Variants in RASA1 observed in about 807,000 individuals in gnomAD.
RASA1 encodes the protein RAS p21 protein activator 1.
Under a neutral mutation model 132.2 loss-of-function variants are expected in RASA1, and 25 were observed. The observed-to-expected ratio is 0.19, with a 90% CI of 0.14 to 0.26. The LOEUF (loss-of-function observed/expected upper bound fraction) is 0.26, where lower values mean the gene tolerates loss of function less well. Among genes scored for constraint, RASA1 ranks in the 10% least tolerant of loss-of-function variants. The probability of loss-of-function intolerance (pLI) is 1.00; values close to 1 mark genes in which losing one functional copy is unlikely to be tolerated. For synonymous variants in RASA1, 477 were observed against 449.9 expected, an observed-to-expected ratio of 1.06 and a Z score of -0.76; for missense variants, 964 against 1,299.2, an observed-to-expected ratio of 0.74 and a Z score of 3.97.
chr5:87,383,487 A>T (rs915174114), intron 20 of RASA1, among the ~76,000 whole-genome samples: 15 of 152,122 alleles, frequency 9.9e-5, no homozygotes, highest in African/African-American at 3.6e-4. Flanking sequence ...AAATTGGGAA[A>T]AGTGAGTAAT....
At chr5:87,336,759 C>T (rs1371233913) in intron 4 of RASA1, among the ~76,000 whole-genome samples, 2 of 151,934 alleles carry the variant, frequency 1.3e-5, no homozygotes, top group Non-Finnish European at 2.9e-5. Context: ...CTTTAATGTG[C>T]TTATTTAGGT....
chr5:87,389,281 A>G, intron 23 of RASA1, 112 bp from the exon 24 acceptor site: 1 of 1,400,036 alleles, frequency 7.1e-7, no homozygotes, highest in South Asian at 1.2e-5. Context: ...CAGTGAGCCG[A>G]GATCATGCCA....
chr5:87,289,331 G>T (rs1754813582), intron 1 of RASA1, among the ~76,000 whole-genome samples: 1 of 152,124 alleles, frequency 6.6e-6, no homozygotes, highest in Non-Finnish European at 1.5e-5. Context: ...GGTTGCACCA[G>T]ATTTTGCTAT....
In RASA1 at chr5:87,278,228, G is replaced by A. The variant is rs150066621; in HGVS notation, c.539+9238G>A. Among the ~76,000 whole-genome samples, 515 of 151,980 alleles carry A rather than the reference G, an allele frequency of 3.4e-3. 5 individuals are homozygous for A. The highest frequency in any genetic ancestry group is 0.012 in the African/African-American group (496 of 41,448). ...TAAATCTTTTTATTTTGAGGTAATT[G>A]TAGATTCATATGCAGTTTTAAGAAA... On this transcript the variant is annotated intron_variant, in intron 1 of 24. Coordinates refer to ENST00000274376, the MANE Select transcript of RASA1 (RefSeq NM_002890.3).
chr5:87,357,544 A>G (rs910250444), intron 9 of RASA1, among the ~76,000 whole-genome samples: 8 of 152,108 alleles, frequency 5.3e-5, no homozygotes, highest in Non-Finnish European at 8.8e-5. Context: ...TCTCTACTAA[A>G]AATACAAAAA....
intron 21 of RASA1, among the ~76,000 whole-genome samples, chr5:87,384,785 T>A (rs946942170): frequency 6.6e-6 from 1 of 152,136 alleles, no homozygotes. Flanking sequence ...TAAAATATTT[T>A]AAAAGTTTAT....
chr5:87,284,881 T>C (rs950366963), intron 1 of RASA1, among the ~76,000 whole-genome samples: 4 of 152,122 alleles, frequency 2.6e-5, no homozygotes, highest in African/African-American at 9.7e-5. Context: ...GAAGCTGTTT[T>C]TGAAATTTTA....
At chr5:87,309,558 T>C (rs565891670) in intron 1 of RASA1, among the ~76,000 whole-genome samples, 3 of 152,240 alleles carry the variant, frequency 2.0e-5, no homozygotes, top group African/African-American at 7.2e-5. Flanking sequence ...ATTTACTCTT[T>C]AGTGATTAAG....
At chr5:87,386,138 T>A (rs1328361083) in intron 22 of RASA1, among the ~76,000 whole-genome samples, 1 of 152,020 alleles carries the variant, frequency 6.6e-6, no homozygotes, top group Non-Finnish European at 1.5e-5. Context: ...TGGATAGGCA[T>A]AATATTTTGT....
intron 20 of RASA1, among the ~76,000 whole-genome samples, chr5:87,381,468 T>C (rs954933979): frequency 6.6e-6 from 1 of 152,250 alleles, no homozygotes; most frequent in African/African-American, 2.4e-5. Context: ...TACACTGTCA[T>C]GTCATGCTAT....
chr5:87,379,066 C>A (rs1354823656), intron 18 of RASA1, among the ~76,000 whole-genome samples: 2 of 152,064 alleles, frequency 1.3e-5, no homozygotes, highest in East Asian at 3.8e-4. Flanking sequence ...GGTAAAGCAA[C>A]TACAAAGAAA....
chr5:87,363,317 C>T (rs10044181), intron 10 of RASA1, 31 bp from the exon 11 acceptor site: 1 of 1,549,090 alleles, frequency 6.5e-7, no homozygotes, highest in Non-Finnish European at 8.9e-7. Context: ...AATTGTTTGG[C>T]TAAGAGAAAA....
rs140502802 is a variant in RASA1 at position 87,379,892 on chromosome 5, A to G, written c.2603+42A>G. 6.6e-4 allele frequency: 1,050 copies of G among 1,579,770 alleles called. 4 individuals are homozygous for G. In the African/African-American group the frequency reaches 7.8e-3, roughly 12 times the overall value. ...TCATTTGACAAGAAATTGTGTATCT[A>G]TGTCTTCAGAAATTTCTATTTCTAA... On this transcript the variant is annotated intron_variant, in intron 19 of 24. Coordinates refer to ENST00000274376, the MANE Select transcript of RASA1 (RefSeq NM_002890.3).
chr5:87,361,152 T>C lies in RASA1; in HGVS notation c.1333-1399T>C, dbSNP rs75211544. Among the ~76,000 whole-genome samples, 1,144 of 152,290 alleles carry C rather than the reference T, an allele frequency of 7.5e-3. 17 individuals are homozygous for C. Among genetic ancestry groups the C allele is most frequent in the African/African-American group, 0.027 (1,106 of 41,568 alleles). On this transcript the variant is annotated intron_variant, in intron 9 of 24. Transcript: ENST00000274376. ...AGTTCATTTAGTGTGTCCACTAAAG[T>C]CTGTCTTTTTATCTGGAAGCAACCA...
At chr5:87,274,351 T>G (rs1459507139) in intron 1 of RASA1, among the ~76,000 whole-genome samples, 1 of 152,198 alleles carries the variant, frequency 6.6e-6, no homozygotes, top group Non-Finnish European at 1.5e-5. Flanking sequence ...TCTTATTAAG[T>G]CAAATAATTG....
At chr5:87,323,489 G>A (rs1756983055) in intron 1 of RASA1, among the ~76,000 whole-genome samples, 1 of 152,130 alleles carries the variant, frequency 6.6e-6, no homozygotes, top group Non-Finnish European at 1.5e-5. Flanking sequence ...GGACAGATCT[G>A]AGAATATTTT....
At chr5:87,314,585 T>C (rs1208022306) in intron 1 of RASA1, among the ~76,000 whole-genome samples, 1 of 152,096 alleles carries the variant, frequency 6.6e-6, no homozygotes, top group Non-Finnish European at 1.5e-5. Context: ...TCAGGTTGAA[T>C]TGTATTTAAT....
chr5:87,379,542 G>GT (rs1761559528), intron 18 of RASA1, among the ~76,000 whole-genome samples, 193 bp from the exon 19 acceptor site: 4 of 152,064 alleles, frequency 2.6e-5, no homozygotes, highest in African/African-American at 9.7e-5. Flanking sequence ...GGAATAAATG[G>GT]TAACAGACCT....
chr5:87,385,449 C>A, intron 22 of RASA1, 60 bp downstream of exon 22: 4 of 1,282,564 alleles, frequency 3.1e-6, no homozygotes, highest in Non-Finnish European at 4.5e-6. Flanking sequence ...CATGATAAAA[C>A]CATAAATTGT....
Sources: allele counts gnomAD v4.1 joint callset (sites outside exome capture counted in the v4.1 genomes callset), GRCh38; gene constraint gnomAD v4.1.1; transcripts MANE v1.5; gene names NCBI Gene and HGNC (gene_info 2026-07-23, HGNC 2026-07-21).